The following NEB variants were observed in gnomAD, a reference collection of about 807,000 sequenced individuals.
NEB encodes nebulin, also known as nemaline myopathy type 2.
NEB carries 512 observed loss-of-function variants against 952.2 expected under a neutral mutation model. The ratio of observed to expected loss-of-function variants is 0.54; its 90% CI spans 0.50 to 0.58. The LOEUF (loss-of-function observed/expected upper bound fraction) is 0.58, where lower values mean the gene tolerates loss of function less well. Ranked by LOEUF, NEB falls within the 20% of genes least tolerant of loss-of-function variation. NEB has a pLI of 0.00. For synonymous variants in NEB, 2,900 were observed against 3,149.8 expected, an observed-to-expected ratio of 0.92 and a Z score of 2.66; for missense variants, 8,428 against 9,231.1, an observed-to-expected ratio of 0.91 and a Z score of 3.56.
At position 151,492,237 on chromosome 2, in the gene NEB, T is replaced by G. The variant is rs751387280; in HGVS notation, c.24918A>C (p.Thr8306=). Residue 8306 remains threonine, a synonymous_variant, in exon 178 of 182, where the codon ACA becomes ACC. Coordinates refer to ENST00000397345, the MANE Select transcript of NEB (RefSeq NM_001164508.2). ...EDFEKHKGCF[T]PVVTDPITER... Reference sequence around the variant, plus strand: ...CAGTGATAGGATCTGTCACCACTGGTGTGAAGCAACCCTTGTGTTTCTCAA... The same window carrying G: ...CAGTGATAGGATCTGTCACCACTGGGGTGAAGCAACCCTTGTGTTTCTCAA... 8 of 1,613,794 alleles carry G rather than the reference T, an allele frequency of 5.0e-6. No individual in the cohort carries two copies. The highest frequency in any genetic ancestry group is 1.3e-5 in the African/African-American group (1 of 74,924).
At chr2:151,663,990 T>C (rs2099175745) in intron 44 of NEB, 131 bp from the exon 45 acceptor site, 2 of 870,292 alleles carry the variant, frequency 2.3e-6, no homozygotes, top group East Asian at 5.2e-5. Context: ...GAGGCACTCG[T>C]GAGAGGGAGG....
intron 52 of NEB, 55 bp from the exon 53 acceptor site, chr2:151,650,940 A>T: frequency 7.5e-6 from 11 of 1,465,724 alleles, no homozygotes; most frequent in Non-Finnish European, 6.4e-6. Flanking sequence ...GTTAAGCTCA[A>T]CTTGCTTTTT....
chr2:151,547,351 C>T, intron 133 of NEB, 78 bp downstream of exon 133: 1 of 1,116,512 alleles, frequency 9.0e-7, no homozygotes, highest in Non-Finnish European at 1.3e-6. Flanking sequence ...GTTCAAAGAC[C>T]ACTGGTTGTT....
intron 23 of NEB, 147 bp downstream of exon 23, chr2:151,691,717 C>T (rs2099552597): frequency 1.5e-6 from 1 of 651,242 alleles, no homozygotes; most frequent in African/African-American, 1.8e-5. Context: ...TTGTTGTGTT[C>T]CCCGGTTCCA....
chr2:151,565,262 A>G (rs1445725816), intron 116 of NEB, 114 bp from the exon 117 acceptor site: 1 of 693,594 alleles, frequency 1.4e-6, no homozygotes, highest in Non-Finnish European at 2.4e-6. Flanking sequence ...CAACTGGTTG[A>G]ATTTTAGCCC....
intron 158 of NEB, 91 bp from the exon 159 acceptor site, chr2:151,514,519 T>A: frequency 9.6e-7 from 1 of 1,038,582 alleles, no homozygotes; most frequent in South Asian, 1.3e-5. Flanking sequence ...ATTCCAATTT[T>A]TAAAGGGTTC....
At chr2:151,620,234 T>C (rs1245643329) in intron 72 of NEB, among the ~76,000 whole-genome samples, 2 of 150,968 alleles carry the variant, frequency 1.3e-5, no homozygotes, top group African/African-American at 2.4e-5. Flanking sequence ...TTTTACAAGA[T>C]GAAAATTCTG....
intron 135 of NEB, among the ~76,000 whole-genome samples, chr2:151,545,657 C>A (rs4664055): frequency 0.64 from 96,562 of 151,960 alleles, 30,961 homozygotes; most frequent in East Asian, 0.78. Flanking sequence ...TAGGAAGAGC[C>A]AGTATGAATA....
At chr2:151,549,408 C>T (rs758688158) in intron 130 of NEB, among the ~76,000 whole-genome samples, 68 of 152,216 alleles carry the variant, frequency 4.5e-4, no homozygotes, top group African/African-American at 1.6e-3. Context: ...AAGGCTCCCA[C>T]GAACATTCTG....
At chr2:151,572,676 G>T (rs1164125282) in intron 107 of NEB, among the ~76,000 whole-genome samples, 1 of 150,298 alleles carries the variant, frequency 6.7e-6, no homozygotes, top group African/African-American at 2.4e-5. Context: ...CACCCAAGTA[G>T]CTGGGATTAC....
chr2:151,514,714 CCA>C (rs2076670230), intron 158 of NEB, 102 bp downstream of exon 158: 1 of 832,640 alleles, frequency 1.2e-6, no homozygotes, highest in Non-Finnish European at 1.9e-6. Flanking sequence ...AATTTGAAAC[CCA>C]CAGTTAGGTG....
intron 135 of NEB, among the ~76,000 whole-genome samples, chr2:151,544,643 C>CA (rs1413186605): frequency 6.6e-6 from 1 of 152,180 alleles, no homozygotes; most frequent in Non-Finnish European, 1.5e-5. Context: ...CAAATTGGCT[C>CA]AATGTTGCAT....
intron 62 of NEB, 53 bp from the exon 63 acceptor site, chr2:151,639,437 A>G (rs2098819556): frequency 7.5e-7 from 1 of 1,340,192 alleles, no homozygotes; most frequent in Admixed American, 2.7e-5. Context: ...TGTATAGTTA[A>G]TAGGAATTTT....
chr2:151,645,154 T>A (rs2098939113), intron 55 of NEB, among the ~76,000 whole-genome samples: 1 of 152,232 alleles, frequency 6.6e-6, no homozygotes, highest in Non-Finnish European at 1.5e-5. Context: ...CTTGCAAGAA[T>A]CAGGCAGAAG....
chr2:151,684,707 C>CA, intron 28 of NEB, 71 bp downstream of exon 28: 1 of 1,375,576 alleles, frequency 7.3e-7, no homozygotes, highest in Non-Finnish European at 9.7e-7. Context: ...GCAAAAACCT[C>CA]ACTCAACTTC....
At chr2:151,491,601 C>T in intron 179 of NEB, 82 bp downstream of exon 179, 1 of 1,205,874 alleles carries the variant, frequency 8.3e-7, no homozygotes. Flanking sequence ...AGGGAAGGAA[C>T]TTCAGAGCCC....
Position 151,534,419 on chromosome 2 carries a change from C to G in NEB, c.21313-873G>C, listed in dbSNP as rs2092636774. 2.0e-5 allele frequency: 19 copies of G among 969,866 alleles called. No individual in the cohort carries two copies. In the South Asian group the frequency reaches 2.6e-4, roughly 13 times the overall value. The allele number at this position is 969,866 out of a possible 1,614,324, so 60.1% of individuals were successfully genotyped here. A position where few individuals can be genotyped will look rare whatever the true frequency, so the allele number is the denominator to read the frequency against. On this transcript the variant is annotated intron_variant, in intron 142 of 181. Coordinates refer to ENST00000397345, the MANE Select transcript of NEB (RefSeq NM_001164508.2). ...TCCAGAGGGCCAGAACATGTCATCT[C>G]TAGTGGCGGGCTCCCAACATACCCA...
At position 151,531,672 on chromosome 2, in the gene NEB, C is replaced by T; in HGVS notation, c.21522+120G>A. On this transcript the variant is annotated intron_variant, in intron 144 of 181. Coordinates refer to ENST00000397345, the MANE Select transcript of NEB (RefSeq NM_001164508.2). Reference sequence around the variant, plus strand: ...TGTGCATAACAGGACATCTCGCACCCCTGCCTCCCTCCCACTAAATGGCAG... The same window carrying T: ...TGTGCATAACAGGACATCTCGCACCTCTGCCTCCCTCCCACTAAATGGCAG... 5.2e-6 allele frequency: 4 copies of T among 764,072 alleles called. No individual in the cohort carries two copies. In the South Asian group the frequency reaches 6.2e-5, roughly 12 times the overall value. The allele number at this position is 764,072 out of a possible 1,614,324, so 47.3% of individuals were successfully genotyped here. A position where few individuals can be genotyped will look rare whatever the true frequency, so the allele number is the denominator to read the frequency against.
intron 5 of NEB, among the ~76,000 whole-genome samples, chr2:151,726,943 G>A (rs1221649375): frequency 6.6e-6 from 1 of 151,760 alleles, no homozygotes; most frequent in Non-Finnish European, 1.5e-5. Context: ...CTAGCTACTA[G>A]GGAGACTGAG....
Sources: gnomAD v4.1 joint callset for allele counts (sites outside exome capture counted in the v4.1 genomes callset) on GRCh38, gnomAD v4.1.1 for gene constraint, MANE v1.5 for transcripts, NCBI Gene and HGNC (gene_info 2026-07-23, HGNC 2026-07-21) for gene names.